Variants in ZNF446 observed in about 807,000 individuals in gnomAD.
The protein encoded by ZNF446 is zinc finger protein 446.
Under a neutral mutation model 34.0 loss-of-function variants are expected in ZNF446, and 42 were observed. The ratio of observed to expected loss-of-function variants is 1.23; its 90% CI spans 0.96 to 1.60. ZNF446 has a LOEUF of 1.60. ZNF446 is among the 40% of genes most tolerant of loss of function. The pLI is 0.00. For missense variants in ZNF446, 650 were observed against 600.2 expected (o/e 1.08, Z -0.87); for synonymous variants, 315 against 251.0 (o/e 1.25, Z -2.41).
At position 58,480,932 on chromosome 19, in the gene ZNF446, C is replaced by T; in HGVS notation, c.*206C>T. The T allele has an allele frequency of 1.5e-6, 1 of 653,766 alleles. No individual in the cohort carries two copies. Among genetic ancestry groups the T allele is most frequent in the Non-Finnish European group, 2.6e-6 (1 of 390,562 alleles). 40.5% of individuals were successfully genotyped at this position (653,766 alleles called of 1,614,324 possible). On this transcript the variant is annotated 3_prime_UTR_variant, in exon 7 of 7. Coordinates refer to ENST00000594369, the MANE Select transcript of ZNF446 (RefSeq NM_017908.4). This position sits in a 1 kb window ranked among gnomAD's most constrained non-coding sequence, Gnocchi z 7.2. The stretch of plus-strand genomic sequence containing the variant: ...CTGCTCTCTCTCTTCTTGCCCCTGC[C>T]TCCTAGAGGGAGGTCTGGGTTCCCT...
intron 4 of ZNF446, among the ~76,000 whole-genome samples, chr19:58,478,439 G>A (rs538340547): frequency 9.9e-4 from 151 of 152,182 alleles, no homozygotes; most frequent in African/African-American, 8.7e-4. Flanking sequence ...TGAGGTGAGC[G>A]GATCACCTGA....
intron 4 of ZNF446, among the ~76,000 whole-genome samples, chr19:58,478,623 C>T (rs796962417): frequency 2.6e-5 from 4 of 151,590 alleles, no homozygotes; most frequent in African/African-American, 4.9e-5. Context: ...GAGATTGTGC[C>T]ACTGCGCTCC....
chr19:58,488,122 C>G, the ZNF446 span, among the ~76,000 whole-genome samples: 3 of 149,242 alleles, frequency 2.0e-5, no homozygotes, highest in Non-Finnish European at 4.5e-5. Flanking sequence ...TTGCCCGTGA[C>G]CACACACCCT....
chr19:58,477,495 A>G lies in ZNF446; in HGVS notation c.277A>G (p.Ser93Gly), dbSNP rs765132042. The change falls in exon 2 of 7, where the codon AGT (serine) becomes GGT (glycine). Residue 93 changes from serine to glycine, a missense_variant. Transcript: ENST00000594369. The stretch of plus-strand genomic sequence containing the variant: ...CTGGGTGCGCGGTCAGCGGCCAGGC[A>G]GTCCTGAGGAGGCCGCTGCCCTAGT... ...QAWVRGQRPG[S>G]PEEAAALVEG... The G allele has an allele frequency of 6.8e-6, 11 of 1,613,284 alleles. No homozygotes were observed. In the East Asian group the frequency reaches 2.0e-4, roughly 29 times the overall value.
downstream of ZNF446, among the ~76,000 whole-genome samples, chr19:58,484,554 C>T (rs1490561274): frequency 1.3e-5 from 2 of 151,842 alleles, no homozygotes; most frequent in Admixed American, 1.3e-4. Flanking sequence ...GCCCCTTCCC[C>T]CATGTGGTGG....
At chr19:58,478,022 C>T (rs1403713358) in intron 3 of ZNF446, 65 bp from the exon 4 acceptor site, 5 of 1,481,378 alleles carry the variant, frequency 3.4e-6, no homozygotes, top group Non-Finnish European at 4.6e-6. Flanking sequence ...CAGAGGAGCT[C>T]CTCATCTGCC....
In ZNF446 at chr19:58,477,752, A is replaced by G; in HGVS notation, c.458A>G (p.Asp153Gly). ...GAGTCCCCTGGGGAAGGTCCCCAGG[A>G]CACCAGAATAGAGGGGTCTGTCCAG... The part of the protein sequence containing the change: ...TVESPGEGPQ[D>G]TRIEGSVQLS... Residue 153 changes from aspartate to glycine, a missense_variant, in exon 3 of 7, where the codon GAC (aspartate) becomes GGC (glycine). Physicochemically the swap from Asp to Gly is moderately conservative, Grantham distance 94. Coordinates refer to ENST00000594369, the MANE Select transcript of ZNF446 (RefSeq NM_017908.4). 1 of 1,612,486 alleles carries G rather than the reference A, an allele frequency of 6.2e-7. No individual in the cohort carries two copies. Among genetic ancestry groups the G allele is most frequent in the Non-Finnish European group, 8.5e-7 (1 of 1,179,350 alleles).
At position 58,480,459 on chromosome 19, in the gene ZNF446, C is replaced by A; in HGVS notation, c.1086C>A (p.Ser362=). Reference sequence around the variant, plus strand: ...ACACGAGTGGGCCAGGTGTGCAGTCCCCGGGGCTAGCCACCGGGGAAAGCA... The same window carrying A: ...ACACGAGTGGGCCAGGTGTGCAGTCACCGGGGCTAGCCACCGGGGAAAGCA... ...RTHTSGPGVQ[S]PGLATGESTE... The change falls in exon 7 of 7, where the codon TCC becomes TCA. Residue 362 remains serine (S), a synonymous_variant. Coordinates refer to ENST00000594369, the MANE Select transcript of ZNF446 (RefSeq NM_017908.4). This position sits in a 1 kb window ranked among gnomAD's most constrained non-coding sequence, Gnocchi z 7.2. The A allele has an allele frequency of 1.2e-6, 2 of 1,612,886 alleles. No individual in the cohort carries two copies. Among genetic ancestry groups the A allele is most frequent in the Non-Finnish European group, 1.7e-6 (2 of 1,179,952 alleles).
chr19:58,477,423 C>G lies in ZNF446; in HGVS notation c.205C>G (p.Leu69Val), dbSNP rs369600385. Residue 69 changes from leucine (L) to valine (V), a missense_variant, in exon 2 of 7, where the codon CTG becomes GTG. Physicochemically the swap from Leu to Val is conservative, Grantham distance 32. Coordinates refer to ENST00000594369, the MANE Select transcript of ZNF446 (RefSeq NM_017908.4). ...AHSKEQMLEM[L>V]VLEQFLGTLP... ...CTCCAAGGAGCAGATGCTGGAGATG[C>G]TGGTGCTGGAGCAGTTCCTGGGCAC... is the stretch of plus-strand genomic sequence containing the variant. The G allele has an allele frequency of 3.7e-6, 6 of 1,613,366 alleles. No individual in the cohort carries two copies. The highest frequency in any genetic ancestry group is 4.2e-6 in the Non-Finnish European group (5 of 1,180,016).
At position 58,477,347 on chromosome 19, in the gene ZNF446, C is replaced by T. The variant is rs141303793; in HGVS notation, c.129C>T (p.Ala43=). Residue 43 remains alanine, a synonymous_variant, in exon 2 of 7, where the codon GCC becomes GCT. Coordinates refer to ENST00000594369, the MANE Select transcript of ZNF446 (RefSeq NM_017908.4). ...AGGAGGTGGCAGGTCCCCGAGAAGC[C>T]CTGGCCCGGCTGCGTGAGCTGTGTT... ...CYQEVAGPRE[A]LARLRELCCQ... 17 of 1,613,284 alleles carry T rather than the reference C, an allele frequency of 1.1e-5. No homozygotes were observed. Among genetic ancestry groups the T allele is most frequent in the Middle Eastern group, 1.7e-4 (1 of 6,060 alleles).
In ZNF446 at chr19:58,481,044, C is replaced by CT. The variant is rs2053136540; in HGVS notation, c.*319dup. ...ACATGGCCTGGGCTGACAACACTCCCTCTCCTGGGACCTCCTTGCCTCAGG... is the reference window on the plus strand; with the variant it reads ...ACATGGCCTGGGCTGACAACACTCCCTTCTCCTGGGACCTCCTTGCCTCAGG... On this transcript the variant is annotated 3_prime_UTR_variant, in exon 7 of 7. Coordinates refer to ENST00000594369, the MANE Select transcript of ZNF446 (RefSeq NM_017908.4). The CT allele has an allele frequency of 2.7e-6, 1 of 367,580 alleles. No individual in the cohort carries two copies. The highest frequency in any genetic ancestry group is 2.0e-5 in the African/African-American group (1 of 49,646). 22.8% of individuals were successfully genotyped at this position (367,580 alleles called of 1,614,324 possible).
chr19:58,479,849 A>AAC (rs772045161), intron 5 of ZNF446, 81 bp from the exon 6 acceptor site: 2 of 1,397,218 alleles, frequency 1.4e-6, no homozygotes, highest in South Asian at 2.5e-5. Context: ...CTTCCAGAGG[A>AAC]ACACCCTGTC....
chr19:58,486,118 G>A (rs2053167615), downstream of ZNF446, among the ~76,000 whole-genome samples: 2 of 132,292 alleles, frequency 1.5e-5, no homozygotes, highest in South Asian at 4.9e-4. Flanking sequence ...TTTTGAGATG[G>A]AGTCTTACTC....
At position 58,477,349 on chromosome 19, in the gene ZNF446, T is replaced by C. The variant is rs774473287; in HGVS notation, c.131T>C (p.Leu44Pro). Residue 44 changes from leucine (L) to proline (P), a missense_variant, in exon 2 of 7, where the codon CTG becomes CCG. Coordinates refer to ENST00000594369, the MANE Select transcript of ZNF446 (RefSeq NM_017908.4). ...GAGGTGGCAGGTCCCCGAGAAGCCC[T>C]GGCCCGGCTGCGTGAGCTGTGTTGC... is the stretch of plus-strand genomic sequence containing the variant. ...YQEVAGPREA[L>P]ARLRELCCQW... is the part of the protein sequence containing the mutation. 2 of 1,613,202 alleles carry C rather than the reference T, an allele frequency of 1.2e-6. No homozygotes were observed. The highest frequency in any genetic ancestry group is 1.7e-6 in the Non-Finnish European group (2 of 1,179,988).
chr19:58,476,955 C>T lies in ZNF446; in HGVS notation c.-40-224C>T, dbSNP rs1025404249. ...TGCAATTTCCAGGAAGCTCCCTGGACACCTTGCGTCCAAGCATTTGTCCCT... is the reference window on the plus strand; with the variant it reads ...TGCAATTTCCAGGAAGCTCCCTGGATACCTTGCGTCCAAGCATTTGTCCCT... On this transcript the variant is annotated intron_variant, in intron 1 of 6. Coordinates refer to ENST00000594369, the MANE Select transcript of ZNF446 (RefSeq NM_017908.4). 3.3e-5 allele frequency among the ~76,000 whole-genome samples: 5 copies of T among 152,174 alleles called. No individual in the cohort carries two copies. The South Asian group carries it at 6.2e-4, about 19-fold the overall frequency.
downstream of ZNF446, among the ~76,000 whole-genome samples, chr19:58,485,661 C>T (rs530665710): frequency 6.6e-6 from 1 of 152,174 alleles, no homozygotes; most frequent in Non-Finnish European, 1.5e-5. Flanking sequence ...ACTGAACTCC[C>T]CCATACAAAA....
chr19:58,489,455 C>G, the ZNF446 span, among the ~76,000 whole-genome samples: 1 of 152,130 alleles, frequency 6.6e-6, no homozygotes, highest in Admixed American at 6.6e-5. Context: ...CCCAACCCAC[C>G]AAGTTGTCCT....
intron 4 of ZNF446, 111 bp downstream of exon 4, chr19:58,478,292 TC>T: frequency 1.0e-6 from 1 of 969,134 alleles, no homozygotes; most frequent in South Asian, 1.7e-5. Flanking sequence ...GCTCTTTGCT[TC>T]CCAGAAGTGG....
chr19:58,478,066 T>C, intron 3 of ZNF446, 21 bp from the exon 4 acceptor site: 2 of 1,602,474 alleles, frequency 1.2e-6, no homozygotes, highest in Non-Finnish European at 1.7e-6. Context: ...ACACCACCCT[T>C]CCATCTGCCC....
Sources: allele counts gnomAD v4.1 joint callset (sites outside exome capture counted in the v4.1 genomes callset), GRCh38; gene constraint gnomAD v4.1.1; non-coding constraint Gnocchi (gnomAD v3.1); transcripts MANE v1.5; gene names NCBI Gene and HGNC (gene_info 2026-07-23, HGNC 2026-07-21).